The following ZFYVE26 variants were observed in gnomAD, a reference collection of about 807,000 sequenced individuals.
The protein encoded by ZFYVE26 is zinc finger FYVE domain-containing protein 26.
A neutral mutation model predicts 276.5 loss-of-function variants in ZFYVE26; 181 were observed. The ratio of observed to expected loss-of-function variants is 0.65; its 90% confidence interval spans 0.58 to 0.74. The LOEUF (loss-of-function observed/expected upper bound fraction) is 0.74. Among genes scored for constraint, ZFYVE26 ranks in the 30% least tolerant of loss-of-function variants. ZFYVE26 has a pLI of 0.00. For synonymous variants in ZFYVE26, 1,129 were observed against 1,203.1 expected, an observed-to-expected ratio of 0.94 and a Z score of 1.27; for missense variants, 2,821 against 3,097.9, an observed-to-expected ratio of 0.91 and a Z score of 2.12.
chr14:67,799,409 G>T, intron 10 of ZFYVE26: 1 of 1,613,162 alleles, frequency 6.2e-7, no homozygotes, highest in East Asian at 2.2e-5. Context: ...GAGGGCTCAG[G>T]AAGAGGCCAA....
At chr14:67,815,006 A>G (rs2040373749) in intron 2 of ZFYVE26, among the ~76,000 whole-genome samples, 2 of 152,234 alleles carry the variant, frequency 1.3e-5, no homozygotes, top group African/African-American at 2.4e-5. Context: ...GAGGAACTTC[A>G]TTGAAAATCA....
At chr14:67,777,844 C>T in intron 24 of ZFYVE26, 109 bp from the exon 25 acceptor site, 2 of 1,412,534 alleles carry the variant, frequency 1.4e-6, no homozygotes, top group South Asian at 1.2e-5. Flanking sequence ...TGGACTAACC[C>T]TTTCTCTATA....
At chr14:67,751,346 C>G in intron 40 of ZFYVE26, 1 of 564,828 alleles carries the variant, frequency 1.8e-6, no homozygotes. Context: ...GGCCAGTTCA[C>G]CCCTCCTTAG....
chr14:67,740,099 A>G (rs890096298), intron 13 of ZFYVE26, among the ~76,000 whole-genome samples: 6 of 152,216 alleles, frequency 3.9e-5, no homozygotes, highest in Non-Finnish European at 7.3e-5. Flanking sequence ...GATGATGCAA[A>G]AGAGTGCATC....
In ZFYVE26 at chr14:67,782,938, T is replaced by A; in HGVS notation, c.4214A>T (p.His1405Leu). 1 of 1,614,110 alleles carries A rather than the reference T, an allele frequency of 6.2e-7. No individual in the cohort carries two copies. Among genetic ancestry groups the A allele is most frequent in the Non-Finnish European group, 8.5e-7 (1 of 1,180,018 alleles). ...ASLSTVLLGLHSPIALDVLSE... is the reference protein window; with the variant it reads ...ASLSTVLLGLLSPIALDVLSE... ...CAGTACATCTAGGGCAATGGGAGAA[T>A]GTAGGCCCAGGAGAACGGTAGAAAG... The change falls in exon 21 of 42, where the codon CAT becomes CTT. Residue 1405 changes from histidine (H) to leucine (L), a missense_variant. By Grantham distance (99) the His-to-Leu change is moderately conservative. Transcript: ENST00000347230.
At chr14:67,794,050 C>T in intron 13 of ZFYVE26, 121 bp downstream of exon 13, 2 of 1,132,422 alleles carry the variant, frequency 1.8e-6, no homozygotes. Context: ...TAAAATCTGG[C>T]CATCTGCCAA....
chr14:67,770,656 G>A (rs1166060836), intron 28 of ZFYVE26, among the ~76,000 whole-genome samples: 1 of 152,064 alleles, frequency 6.6e-6, no homozygotes, highest in Non-Finnish European at 1.5e-5. Flanking sequence ...TCAGGTTATT[G>A]TAAAATTTAA....
At chr14:67,741,563 G>A (rs762332787), downstream of ZFYVE26, among the ~76,000 whole-genome samples, 2 of 152,096 alleles carry the variant, frequency 1.3e-5, no homozygotes, top group African/African-American at 4.8e-5. Context: ...TACCATAGAC[G>A]TTTAATGTCA....
intron 13 of ZFYVE26, among the ~76,000 whole-genome samples, chr14:67,730,436 G>A (rs544994926): frequency 2.9e-4 from 44 of 152,228 alleles, no homozygotes; most frequent in African/African-American, 9.6e-4. Flanking sequence ...TTCGGAGTCC[G>A]GAATATTTCA....
chr14:67,805,697 A>T, intron 6 of ZFYVE26, 79 bp from the exon 7 acceptor site: 1 of 1,519,956 alleles, frequency 6.6e-7, no homozygotes, highest in Non-Finnish European at 9.0e-7. Context: ...CTTTAGAGAA[A>T]GAAGTATTTT....
rs947209355 is a variant in ZFYVE26, at chr14:67,755,983, A to G, written c.6751T>C (p.Tyr2251His). The change falls in exon 36 of 42, where the codon TAC becomes CAC. Residue 2251 changes from tyrosine to histidine, a missense_variant. Transcript: ENST00000347230. ...ACQHLQKKNY[Y>H]HILYELQQFM... is the part of the protein sequence containing the mutation. The stretch of plus-strand genomic sequence containing the variant: ...TGCTGCAGCTCATACAGAATGTGGT[A>G]GTAGTTCTTCTTCTGTAAATGTTGG... The G allele has an allele frequency of 1.9e-6, 3 of 1,614,246 alleles. No individual in the cohort carries two copies. Among genetic ancestry groups the G allele is most frequent in the African/African-American group, 2.7e-5 (2 of 75,056 alleles).
At chr14:67,754,264 T>A in intron 37 of ZFYVE26, 52 bp from the exon 38 acceptor site, 1 of 1,612,592 alleles carries the variant, frequency 6.2e-7, no homozygotes, top group Non-Finnish European at 8.5e-7. Flanking sequence ...CCCAGGTGAC[T>A]GAGGCCAGGA....
chr14:67,810,036 G>A (rs561038940), intron 3 of ZFYVE26, among the ~76,000 whole-genome samples: 49 of 152,072 alleles, frequency 3.2e-4, no homozygotes, highest in South Asian at 6.2e-4. Flanking sequence ...CGCCTGCCTC[G>A]GCCTTCCAAA....
intron 8 of ZFYVE26, 44 bp from the exon 9 acceptor site, chr14:67,804,308 T>A: frequency 6.2e-7 from 1 of 1,606,134 alleles, no homozygotes; most frequent in Non-Finnish European, 8.5e-7. Flanking sequence ...CAGTTTATAT[T>A]ATTGCTCGAA....
intron 16 of ZFYVE26, among the ~76,000 whole-genome samples, chr14:67,787,305 G>A (rs1230737416): frequency 6.6e-6 from 1 of 151,912 alleles, no homozygotes; most frequent in East Asian, 1.9e-4. Context: ...GCAGTGAGCC[G>A]AGATGGCGCC....
Position 67,816,034 on chromosome 14 carries a change from C to A in ZFYVE26, c.-71G>T. On this transcript the variant is annotated 5_prime_UTR_variant, in exon 2 of 42. Coordinates refer to ENST00000347230, the MANE Select transcript of ZFYVE26 (RefSeq NM_015346.4). ...CGAACACATTCTCAATGTTCTCATTCGCGGAGTACCTCCTAGAAACAACAC... is the reference window on the plus strand; with the variant it reads ...CGAACACATTCTCAATGTTCTCATTAGCGGAGTACCTCCTAGAAACAACAC... The A allele has an allele frequency of 2.3e-6, 3 of 1,294,558 alleles. No individual in the cohort carries two copies. Among genetic ancestry groups the A allele is most frequent in the East Asian group, 2.5e-5 (1 of 39,838 alleles). 80.2% of individuals were successfully genotyped at this position (1,294,558 alleles called of 1,614,324 possible). A position where few individuals can be genotyped will look rare whatever the true frequency, so the allele number is the denominator to read the frequency against.
At chr14:67,761,936 G>T in intron 34 of ZFYVE26, 1 of 560,816 alleles carries the variant, frequency 1.8e-6, no homozygotes. Context: ...ACACTAATCA[G>T]TCTGTGTATG....
intron 39 of ZFYVE26, among the ~76,000 whole-genome samples, 153 bp downstream of exon 39, chr14:67,753,554 C>T (rs2038702618): frequency 1.3e-5 from 2 of 152,114 alleles, no homozygotes; most frequent in African/African-American, 4.8e-5. Flanking sequence ...TGAATTTGAC[C>T]CAGTTCTGTA....
chr14:67,798,897 C>G, intron 10 of ZFYVE26: 1 of 929,852 alleles, frequency 1.1e-6, no homozygotes, highest in Non-Finnish European at 1.6e-6. Context: ...CACCAGGCCC[C>G]GCCCCCGGGG....
Sources: gnomAD v4.1 joint callset for allele counts (sites outside exome capture counted in the v4.1 genomes callset) on GRCh38, gnomAD v4.1.1 for gene constraint, MANE v1.5 for transcripts, NCBI Gene and HGNC (gene_info 2026-07-23, HGNC 2026-07-21) for gene names.